SYCP1: variants seen among roughly 807,000 people sequenced by gnomAD.
The protein encoded by SYCP1 is synaptonemal complex protein 1, also known as cancer/testis antigen 8.
In SYCP1, 64 loss-of-function variants were observed where a neutral mutation model predicts 153.1. The ratio of observed to expected loss-of-function variants is 0.42; its 90% CI spans 0.34 to 0.51. SYCP1 has a LOEUF of 0.51. SYCP1 is among the 20% of genes least tolerant of loss of function. The pLI is 0.06. For synonymous variants in SYCP1, 384 were observed against 341.8 expected, an observed-to-expected ratio of 1.12 and a Z score of -1.36; for missense variants, 997 against 1,049.0, an observed-to-expected ratio of 0.95 and a Z score of 0.68.
At chr1:114,939,434 A>G (rs1670244617) in intron 23 of SYCP1, among the ~76,000 whole-genome samples, 1 of 152,250 alleles carries the variant, frequency 6.6e-6, no homozygotes, top group Admixed American at 6.5e-5. Flanking sequence ...CAAATTTGGT[A>G]TATTCATATA....
intron 27 of SYCP1, among the ~76,000 whole-genome samples, chr1:114,953,766 T>A (rs370978042): frequency 1.3e-5 from 2 of 152,330 alleles, no homozygotes; most frequent in East Asian, 3.9e-4. Context: ...TTGTTTTAGA[T>A]GTTTTAGTAC....
intron 8 of SYCP1, among the ~76,000 whole-genome samples, chr1:114,861,567 G>A (rs1267502374): frequency 7.2e-5 from 11 of 151,994 alleles, no homozygotes; most frequent in East Asian, 1.9e-4. Flanking sequence ...TTAGATAGCC[G>A]GTGCTCAAAT....
intron 27 of SYCP1, among the ~76,000 whole-genome samples, chr1:114,950,885 T>C (rs954730120): frequency 3.3e-5 from 5 of 151,392 alleles, no homozygotes; most frequent in African/African-American, 9.7e-5. Flanking sequence ...AGTGCAGTGG[T>C]GCAATCTCAG....
At chr1:114,923,117 T>TA (rs1669006134) in intron 20 of SYCP1, among the ~76,000 whole-genome samples, 1 of 152,356 alleles carries the variant, frequency 6.6e-6, no homozygotes, top group East Asian at 1.9e-4. Flanking sequence ...TTCTCTTTTT[T>TA]AAAACTATAA....
chr1:114,979,786 T>G (rs1673036697), intron 28 of SYCP1, among the ~76,000 whole-genome samples: 1 of 151,854 alleles, frequency 6.6e-6, no homozygotes, highest in South Asian at 2.1e-4. Flanking sequence ...CCTCTTGATT[T>G]ATAGATGAAT....
At chr1:114,968,862 G>A (rs1462183453) in intron 27 of SYCP1, among the ~76,000 whole-genome samples, 1 of 152,162 alleles carries the variant, frequency 6.6e-6, no homozygotes, top group East Asian at 1.9e-4. Flanking sequence ...TGGGGTTTTT[G>A]CGTGGGCATC....
Position 114,944,832 on chromosome 1 carries a change from ATTTAT to A in SYCP1, c.2044-35_2044-31del, listed in dbSNP as rs781226015. On this transcript the variant is annotated intron_variant, in intron 24 of 31. Transcript: ENST00000369522. ...TTTTACACTTGTTTGTTTTTTGTGC[ATTTAT>A]TTTAAGAAACTTTTTTTTTTTGCTT... 8.7e-4 allele frequency: 1,220 copies of A among 1,405,892 alleles called. 1 individual carries two copies. Among genetic ancestry groups the A allele is most frequent in the Non-Finnish European group, 1.1e-3 (1,160 of 1,028,512 alleles). 87.1% of individuals were successfully genotyped at this position (1,405,892 alleles called of 1,614,324 possible).
chr1:114,976,534 T>G (rs1672801988), intron 27 of SYCP1, among the ~76,000 whole-genome samples: 1 of 151,636 alleles, frequency 6.6e-6, no homozygotes, highest in African/African-American at 2.4e-5. Flanking sequence ...GCAGAGACAG[T>G]GCAGTTGTAG....
intron 30 of SYCP1, among the ~76,000 whole-genome samples, chr1:114,988,080 C>CAAAAAA (rs34553973): frequency 1.4e-3 from 160 of 114,586 alleles, no homozygotes; most frequent in Middle Eastern, 4.2e-3. Context: ...TGATAAACGG[C>CAAAAAA]AAAAAAAAAA....
At chr1:114,946,227 A>T in intron 25 of SYCP1, 62 bp from the exon 26 acceptor site, 1 of 719,740 alleles carries the variant, frequency 1.4e-6, no homozygotes, top group Non-Finnish European at 2.0e-6. Context: ...ATATGTTAGG[A>T]TACCAATCTT....
At chr1:114,864,162 G>A (rs1274869277) in intron 8 of SYCP1, among the ~76,000 whole-genome samples, 3 of 151,960 alleles carry the variant, frequency 2.0e-5, no homozygotes, top group African/African-American at 7.3e-5. Flanking sequence ...GTCTAGTGAG[G>A]GGAGAGGATA....
At chr1:114,936,359 A>T (rs1033487488) in intron 23 of SYCP1, among the ~76,000 whole-genome samples, 2 of 152,190 alleles carry the variant, frequency 1.3e-5, no homozygotes, top group African/African-American at 4.8e-5. Context: ...ACACCCCTTC[A>T]TGCTAAAAAC....
In SYCP1 at chr1:114,895,054, A is replaced by G. The variant is rs900059170; in HGVS notation, c.1259-394A>G. ...GGTGGGAATGTTGAATCCAAAGTAC[A>G]ATGCTCAGAGTTAGCTTGAGAAAAG... On this transcript the variant is annotated intron_variant, in intron 15 of 31. Coordinates refer to ENST00000369522, the MANE Select transcript of SYCP1 (RefSeq NM_003176.4). Among the ~76,000 whole-genome samples the G allele has an allele frequency of 2.6e-5, 4 of 152,058 alleles. No individual in the cohort carries two copies. In the East Asian group the frequency reaches 7.7e-4, roughly 29 times the overall value.
intron 3 of SYCP1, among the ~76,000 whole-genome samples, chr1:114,856,919 T>TCCAAA (rs1553183052): frequency 9.9e-5 from 1 of 10,134 alleles, no homozygotes; most frequent in Non-Finnish European, 2.4e-4. Context: ...ACCCTGTCTG[T>TCCAAA]ACAAAAAAAA....
intron 27 of SYCP1, among the ~76,000 whole-genome samples, chr1:114,955,918 C>G (rs144091113): frequency 1.4e-4 from 21 of 152,312 alleles, no homozygotes; most frequent in African/African-American, 4.8e-4. Context: ...AAACCATCTG[C>G]CAAAGAGTCC....
chr1:114,989,239 G>A (rs1276171408), intron 30 of SYCP1, among the ~76,000 whole-genome samples: 2 of 151,840 alleles, frequency 1.3e-5, no homozygotes, highest in Non-Finnish European at 2.9e-5. Context: ...TAGGGGCAGA[G>A]TTTTTATAGG....
rs1665573402 is a variant in SYCP1 at position 114,876,825 on chromosome 1, C to T, written c.801+15C>T. On this transcript the variant is annotated intron_variant, in intron 11 of 31. Transcript: ENST00000369522. The stretch of plus-strand genomic sequence containing the variant: ...AGGAAAAGCAGGTTTTTTAAAAAAC[C>T]AACTCTTTGTATTCTTTATATTTGC... The T allele has an allele frequency of 7.5e-7, 1 of 1,341,868 alleles. No homozygotes were observed. Among genetic ancestry groups the T allele is most frequent in the Non-Finnish European group, 9.7e-7 (1 of 1,030,112 alleles). The allele number at this position is 1,341,868 out of a possible 1,614,324, so 83.1% of individuals were successfully genotyped here.
intron 21 of SYCP1, 81 bp from the exon 22 acceptor site, chr1:114,926,197 G>T: frequency 9.2e-7 from 1 of 1,087,190 alleles, no homozygotes; most frequent in Non-Finnish European, 1.2e-6. Context: ...AGTACTTTAT[G>T]CAATATTTTT....
intron 25 of SYCP1, among the ~76,000 whole-genome samples, chr1:114,945,408 T>C (rs1352773126): frequency 6.6e-6 from 1 of 152,038 alleles, no homozygotes; most frequent in East Asian, 1.9e-4. Context: ...TTGTCTTATA[T>C]TTTTAATTGT....
Sources: gnomAD v4.1 joint callset for allele counts (sites outside exome capture counted in the v4.1 genomes callset) on GRCh38, gnomAD v4.1.1 for gene constraint, MANE v1.5 for transcripts, NCBI Gene and HGNC (gene_info 2026-07-23, HGNC 2026-07-21) for gene names.